HHIPL1: variants seen among roughly 807,000 people sequenced by gnomAD.
HHIPL1 encodes HHIP like 1, also known as HHIP-like protein 1.
A neutral mutation model predicts 61.8 loss-of-function variants in HHIPL1; 43 were observed. The observed-to-expected ratio is 0.70, with a 90% confidence interval of 0.55 to 0.90. The LOEUF is 0.90. HHIPL1 is among the 40% of genes least tolerant of loss of function. HHIPL1 has a pLI of 0.00. For missense variants in HHIPL1, 1,056 were observed against 1,157.7 expected (o/e 0.91, Z 1.28); for synonymous variants, 482 against 515.8 (o/e 0.93, Z 0.89).
At chr14:99,617,541 C>A in the HHIPL1 span, among the ~76,000 whole-genome samples, 4 of 152,120 alleles carry the variant, frequency 2.6e-5, no homozygotes, top group African/African-American at 9.7e-5. Flanking sequence ...GGAGGGGAAT[C>A]GGGGAACCAT....
intron 8 of HHIPL1, among the ~76,000 whole-genome samples, chr14:99,673,196 G>C (rs2140095587): frequency 6.6e-6 from 1 of 152,172 alleles, no homozygotes; most frequent in East Asian, 1.9e-4. Context: ...AGGGAGGCTA[G>C]GCACCTGGGC....
the HHIPL1 span, among the ~76,000 whole-genome samples, chr14:99,635,317 G>T: frequency 3.3e-5 from 5 of 152,160 alleles, no homozygotes; most frequent in African/African-American, 1.2e-4. Flanking sequence ...GGACAGGTGG[G>T]GTGCTTCCTG....
chr14:99,647,983 A>G (rs1023939856), intron 1 of HHIPL1, among the ~76,000 whole-genome samples: 1 of 151,772 alleles, frequency 6.6e-6, no homozygotes, highest in African/African-American at 2.4e-5. Context: ...CACTAAAATC[A>G]TCAAAGCATG....
chr14:99,609,394 T>C, the HHIPL1 span, among the ~76,000 whole-genome samples: 13 of 152,232 alleles, frequency 8.5e-5, no homozygotes, highest in African/African-American at 2.7e-4. Context: ...ATGAGGATAT[T>C]TCTACCCATT....
At position 99,645,504 on chromosome 14, in the gene HHIPL1, G is replaced by A. The variant is rs1310553752; in HGVS notation, c.255+42G>A. On this transcript the variant is annotated intron_variant, in intron 1 of 8. Coordinates refer to ENST00000330710, the MANE Select transcript of HHIPL1 (RefSeq NM_001127258.3). The stretch of plus-strand genomic sequence containing the variant: ...CCACCGGGCGGGGCGGGGCGCGGGA[G>A]GCCGAGTCCTGGAGCAGAGATCGGA... 2.4e-6 allele frequency: 3 copies of A among 1,258,086 alleles called. No homozygotes were observed. In the East Asian group the frequency reaches 9.9e-5, roughly 41 times the overall value. The allele number at this position is 1,258,086 out of a possible 1,614,324, so 77.9% of individuals were successfully genotyped here.
chr14:99,628,933 G>A, the HHIPL1 span, among the ~76,000 whole-genome samples: 1 of 152,228 alleles, frequency 6.6e-6, no homozygotes, highest in East Asian at 1.9e-4. Context: ...AAGCCTAGGT[G>A]CCTCCCTGCC....
intron 8 of HHIPL1, among the ~76,000 whole-genome samples, chr14:99,673,272 A>G (rs948180611): frequency 1.3e-5 from 2 of 151,868 alleles, no homozygotes; most frequent in Non-Finnish European, 2.9e-5. Flanking sequence ...AGTTCTGGCC[A>G]CAGTTGGTTT....
chr14:99,606,916 C>T, the HHIPL1 span, among the ~76,000 whole-genome samples: 2 of 152,130 alleles, frequency 1.3e-5, no homozygotes, highest in Non-Finnish European at 2.9e-5. Flanking sequence ...GCCAGAGCCC[C>T]CTCCCGGAGG....
the HHIPL1 span, among the ~76,000 whole-genome samples, chr14:99,618,846 A>G: frequency 2.6e-5 from 4 of 152,200 alleles, no homozygotes; most frequent in Non-Finnish European, 4.4e-5. Context: ...CATCTGGTGT[A>G]TGGGGTTGGC....
At chr14:99,636,855 T>G in the HHIPL1 span, among the ~76,000 whole-genome samples, 1 of 150,176 alleles carries the variant, frequency 6.7e-6, no homozygotes, top group Admixed American at 6.7e-5. Context: ...GGCATGGAAG[T>G]GCATGCCTGT....
intron 2 of HHIPL1, among the ~76,000 whole-genome samples, chr14:99,654,407 G>T (rs1235333462): frequency 6.6e-6 from 1 of 152,132 alleles, no homozygotes; most frequent in Non-Finnish European, 1.5e-5. Flanking sequence ...AGGAGCAGCT[G>T]TTGCCAAGAA....
the HHIPL1 span, among the ~76,000 whole-genome samples, chr14:99,614,367 A>G: frequency 2.0e-5 from 3 of 152,130 alleles, no homozygotes; most frequent in East Asian, 1.9e-4. Flanking sequence ...GAACTCTGCA[A>G]TGAGGAAGCT....
upstream of HHIPL1, among the ~76,000 whole-genome samples, chr14:99,644,008 A>G (rs1388824052): frequency 6.6e-6 from 1 of 152,180 alleles, no homozygotes; most frequent in Non-Finnish European, 1.5e-5. Flanking sequence ...CTTTGGCTTC[A>G]AGTCCCTGCG....
upstream of HHIPL1, among the ~76,000 whole-genome samples, chr14:99,641,107 C>T (rs1249146873): frequency 5.3e-5 from 8 of 151,666 alleles, no homozygotes; most frequent in African/African-American, 1.9e-4. Flanking sequence ...GGCTGGTCTC[C>T]AACTCCTGAC....
chr14:99,628,887 G>T, the HHIPL1 span, among the ~76,000 whole-genome samples: 2 of 152,196 alleles, frequency 1.3e-5, no homozygotes, highest in African/African-American at 2.4e-5. Flanking sequence ...GATGGAAGAC[G>T]AGGTAGTGCT....
chr14:99,672,291 C>G, intron 7 of HHIPL1, 26 bp from the exon 8 acceptor site: 2 of 1,548,394 alleles, frequency 1.3e-6, no homozygotes, highest in Non-Finnish European at 1.7e-6. Context: ...GGGTGAGACT[C>G]ATAACCTCCT....
At chr14:99,663,483 G>A (rs2056188017) in intron 6 of HHIPL1, among the ~76,000 whole-genome samples, 1 of 152,248 alleles carries the variant, frequency 6.6e-6, no homozygotes, top group African/African-American at 2.4e-5. Flanking sequence ...CAGTGAGGAC[G>A]ACCAGAGGCC....
chr14:99,648,952 G>A (rs557046826), intron 1 of HHIPL1, among the ~76,000 whole-genome samples: 1 of 152,344 alleles, frequency 6.6e-6, no homozygotes, highest in African/African-American at 2.4e-5. Flanking sequence ...CCTCCGCCCT[G>A]CACTGAATGG....
the HHIPL1 span, among the ~76,000 whole-genome samples, chr14:99,622,005 G>T: frequency 1.3e-5 from 2 of 152,096 alleles, no homozygotes; most frequent in Non-Finnish European, 2.9e-5. Context: ...ATAAGCCACC[G>T]CGCCTGGCCA....
Sources: allele counts gnomAD v4.1 joint callset (sites outside exome capture counted in the v4.1 genomes callset), GRCh38; gene constraint gnomAD v4.1.1; transcripts MANE v1.5; gene names NCBI Gene and HGNC (gene_info 2026-07-23, HGNC 2026-07-21).